Variants in TMEM45A observed in about 807,000 individuals in gnomAD.
The protein encoded by TMEM45A is DNA polymerase-transactivated protein 4.
Under a neutral mutation model 32.0 loss-of-function variants are expected in TMEM45A, and 25 were observed. The observed-to-expected ratio is 0.78, with a 90% CI of 0.57 to 1.09. The LOEUF is 1.09. Ranked by LOEUF, TMEM45A falls within the 50% of genes least tolerant of loss-of-function variation. TMEM45A has a pLI of 0.00. For synonymous variants in TMEM45A, 122 were observed against 114.8 expected (o/e 1.06, Z -0.40); for missense variants, 302 against 325.0 (o/e 0.93, Z 0.54).
intron 1 of TMEM45A, among the ~76,000 whole-genome samples, chr3:100,553,596 C>G (rs1417655251): frequency 6.6e-6 from 1 of 152,146 alleles, no homozygotes; most frequent in East Asian, 1.9e-4. Context: ...AAACAGAACT[C>G]AGCAACACTG....
rs73141152 is a variant in TMEM45A at position 100,561,589 on chromosome 3, A to G, written c.588+3000A>G. On this transcript the variant is annotated intron_variant, in intron 4 of 5. Transcript: ENST00000323523. ...AATGCTTTCTCAATAACCTAGCCACATCATGCAATTTAAAAAAGAAAAAAA... is the reference window on the plus strand; with the variant it reads ...AATGCTTTCTCAATAACCTAGCCACGTCATGCAATTTAAAAAAGAAAAAAA... Among the ~76,000 whole-genome samples the G allele has an allele frequency of 8.3e-4, 127 of 152,256 alleles. 1 individual carries two copies. In the Middle Eastern group the frequency reaches 0.014, roughly 16 times the overall value.
At position 100,514,226 on chromosome 3, in the gene TMEM45A, T is replaced by C. The variant is rs554584632; in HGVS notation, c.-4+21298T>C. On this transcript the variant is annotated intron_variant, in intron 1 of 5. Coordinates refer to ENST00000323523, the MANE Select transcript of TMEM45A (RefSeq NM_018004.3). ...CATCATGCTACCTGACTTCAAACTATACTACAAGGCTACAGTCACCAAAAC... is the reference window on the plus strand; with the variant it reads ...CATCATGCTACCTGACTTCAAACTACACTACAAGGCTACAGTCACCAAAAC... Among the ~76,000 whole-genome samples, 462 of 152,226 alleles carry C rather than the reference T, an allele frequency of 3.0e-3. 2 individuals carry two copies. The highest frequency in any genetic ancestry group is 9.8e-3 in the African/African-American group (405 of 41,520).
intron 1 of TMEM45A, among the ~76,000 whole-genome samples, chr3:100,532,514 A>G (rs1277573802): frequency 6.6e-6 from 1 of 152,232 alleles, no homozygotes; most frequent in African/African-American, 2.4e-5. Flanking sequence ...TTCGTTGAGT[A>G]ACCTGAGTCT....
intron 1 of TMEM45A, among the ~76,000 whole-genome samples, chr3:100,498,085 T>A (rs1707956861): frequency 6.6e-6 from 1 of 152,186 alleles, no homozygotes; most frequent in Admixed American, 6.5e-5. Flanking sequence ...GAGTGAGTTC[T>A]CATGAGACCT....
At chr3:100,571,766 CAGT>C (rs1706566371) in intron 5 of TMEM45A, 1 of 152,112 alleles carries the variant, frequency 6.6e-6, no homozygotes, top group African/African-American at 2.4e-5. Flanking sequence ...CACCCCACAA[CAGT>C]CCCCGGTGTG....
At chr3:100,563,639 G>T (rs2148989735) in intron 4 of TMEM45A, among the ~76,000 whole-genome samples, 1 of 152,246 alleles carries the variant, frequency 6.6e-6, no homozygotes, top group Admixed American at 6.5e-5. Context: ...TGAGACCCCA[G>T]CTTAGATAAC....
chr3:100,576,981 A>G lies in TMEM45A; in HGVS notation c.791A>G (p.Asn264Ser). 1.9e-6 allele frequency: 3 copies of G among 1,613,662 alleles called. No homozygotes were observed. Among genetic ancestry groups the G allele is most frequent in the Middle Eastern group, 1.7e-4 (1 of 6,058 alleles). ...TCCTCAGAAGTTGGACTTCTGAAAAATGCTGAACGAGAACAAGAATCAGAA... is the reference window on the plus strand; with the variant it reads ...TCCTCAGAAGTTGGACTTCTGAAAAGTGCTGAACGAGAACAAGAATCAGAA... ...LCSSEVGLLK[N>S]AEREQESEEE... The change falls in exon 6 of 6, where the codon AAT (asparagine) becomes AGT (serine). Residue 264 changes from asparagine (N) to serine (S), a missense_variant. Coordinates refer to ENST00000323523, the MANE Select transcript of TMEM45A (RefSeq NM_018004.3).
chr3:100,540,178 A>C (rs771299927), intron 1 of TMEM45A, among the ~76,000 whole-genome samples: 2 of 152,166 alleles, frequency 1.3e-5, no homozygotes, highest in African/African-American at 4.8e-5. Flanking sequence ...TTTTGAGTTA[A>C]TTTTTATGGA....
At chr3:100,550,986 G>A (rs985240372) in intron 1 of TMEM45A, among the ~76,000 whole-genome samples, 2 of 149,314 alleles carry the variant, frequency 1.3e-5, no homozygotes, top group African/African-American at 2.5e-5. Context: ...CTTTCAGTCC[G>A]TCTTTTTAGG....
intron 1 of TMEM45A, among the ~76,000 whole-genome samples, chr3:100,495,551 G>A (rs1321935200): frequency 6.6e-6 from 1 of 152,214 alleles, no homozygotes; most frequent in Non-Finnish European, 1.5e-5. Flanking sequence ...GGCTTGGGAG[G>A]TAGATTGGTG....
Position 100,556,952 on chromosome 3 carries a change from C to A in TMEM45A, c.383C>A (p.Ser128Ter). The A allele has an allele frequency of 6.2e-7, 1 of 1,614,156 alleles. No individual in the cohort carries two copies. Among genetic ancestry groups the A allele is most frequent in the South Asian group, 1.1e-5 (1 of 91,050 alleles). The change falls in exon 3 of 6, where the codon TCA becomes TAA. Residue 128 changes from serine (S) to a stop codon, truncating the protein, a stop_gained. Coordinates refer to ENST00000323523, the MANE Select transcript of TMEM45A (RefSeq NM_018004.3). LOFTEE classifies it high-confidence loss of function. ...LPVSLTKLML[S>*]NALFVEAFIF... is the part of the protein sequence containing the mutation. ...GTGTCCTTAACCAAGTTAATGTTGTCAAATGCCTTATTTGTGGAGGGTAAG... is the reference window on the plus strand; with the variant it reads ...GTGTCCTTAACCAAGTTAATGTTGTAAAATGCCTTATTTGTGGAGGGTAAG...
At chr3:100,497,706 T>C (rs1304128234) in intron 1 of TMEM45A, among the ~76,000 whole-genome samples, 1 of 152,216 alleles carries the variant, frequency 6.6e-6, no homozygotes, top group Non-Finnish European at 1.5e-5. Context: ...TGTCTTCAAG[T>C]ATCATCCATG....
At chr3:100,494,971 T>C (rs1416215753) in intron 1 of TMEM45A, among the ~76,000 whole-genome samples, 2 of 152,142 alleles carry the variant, frequency 1.3e-5, no homozygotes, top group Non-Finnish European at 2.9e-5. Context: ...TTAGCATACA[T>C]TGAACACTTG....
intron 1 of TMEM45A, among the ~76,000 whole-genome samples, chr3:100,539,971 A>G (rs1705831425): frequency 6.6e-6 from 1 of 152,264 alleles, no homozygotes; most frequent in South Asian, 2.1e-4. Context: ...AAAATGGATT[A>G]TATACCTAAA....
chr3:100,571,051 G>A (rs1234132325), intron 5 of TMEM45A: 1 of 151,832 alleles, frequency 6.6e-6, no homozygotes, highest in Non-Finnish European at 1.5e-5. Context: ...TTTACAAAAT[G>A]TTCTATTATT....
chr3:100,574,246 C>G (rs888508290), intron 5 of TMEM45A: 5 of 152,046 alleles, frequency 3.3e-5, no homozygotes, highest in African/African-American at 1.2e-4. Flanking sequence ...AATTGATAGA[C>G]TGCTAGCAAG....
intron 1 of TMEM45A, among the ~76,000 whole-genome samples, chr3:100,502,236 T>C (rs1401180098): frequency 1.3e-5 from 2 of 151,962 alleles, no homozygotes; most frequent in Non-Finnish European, 2.9e-5. Context: ...AAACACCTTT[T>C]CTCCTGATAT....
intron 1 of TMEM45A, among the ~76,000 whole-genome samples, chr3:100,547,096 T>A (rs776967117): frequency 7.9e-5 from 12 of 152,200 alleles, no homozygotes; most frequent in Admixed American, 2.0e-4. Flanking sequence ...TCATATGTTA[T>A]GAAATGTAGC....
chr3:100,539,687 A>C (rs898355373), intron 1 of TMEM45A, among the ~76,000 whole-genome samples: 2 of 152,052 alleles, frequency 1.3e-5, no homozygotes, highest in Non-Finnish European at 2.9e-5. Flanking sequence ...TCAAGAAGAG[A>C]CAGTGAATTC....
Sources: allele counts gnomAD v4.1 joint callset (sites outside exome capture counted in the v4.1 genomes callset), GRCh38; gene constraint gnomAD v4.1.1; transcripts MANE v1.5; gene names NCBI Gene and HGNC (gene_info 2026-07-23, HGNC 2026-07-21).